The following DMRT1 variants were observed in gnomAD, a reference collection of about 807,000 sequenced individuals.
The protein encoded by DMRT1 is doublesex and mab-3 related transcription factor 1, also known as doublesex- and mab-3-related transcription factor 1.
Under a neutral mutation model 32.3 loss-of-function variants are expected in DMRT1, and 7 were observed. That is an observed-to-expected ratio of 0.22 (90% CI 0.12 to 0.41). The LOEUF (loss-of-function observed/expected upper bound fraction) is 0.41. Among genes scored for constraint, DMRT1 ranks in the 10% least tolerant of loss-of-function variants. The pLI, the probability that DMRT1 is intolerant of heterozygous loss-of-function variation, is 1.00. For synonymous variants in DMRT1, 278 were observed against 206.1 expected, an observed-to-expected ratio of 1.35 and a Z score of -2.99; for missense variants, 625 against 500.5, an observed-to-expected ratio of 1.25 and a Z score of -2.37.
chr9:927,381 C>T (rs1818562346), intron 4 of DMRT1, among the ~76,000 whole-genome samples: 1 of 152,218 alleles, frequency 6.6e-6, no homozygotes, highest in Admixed American at 6.5e-5. Flanking sequence ...GTGTGAAATA[C>T]ACCTCGCTGC....
chr9:897,817 G>T (rs1817430713), intron 3 of DMRT1, among the ~76,000 whole-genome samples: 1 of 152,042 alleles, frequency 6.6e-6, no homozygotes. Flanking sequence ...GCAAGATAGG[G>T]TATAAAAATA....
intron 3 of DMRT1, among the ~76,000 whole-genome samples, chr9:896,681 C>CGCCA (rs1564232810): frequency 6.6e-6 from 1 of 151,882 alleles, no homozygotes; most frequent in Non-Finnish European, 1.5e-5. Context: ...GGCATGGTGG[C>CGCCA]GCACGCCTGT....
At chr9:865,055 C>T (rs1307237297) in intron 2 of DMRT1, among the ~76,000 whole-genome samples, 2 of 152,128 alleles carry the variant, frequency 1.3e-5, no homozygotes, top group Admixed American at 6.6e-5. Context: ...TTAGAATGCA[C>T]GTTACCTTCA....
chr9:910,973 A>G (rs1262102854), intron 3 of DMRT1, among the ~76,000 whole-genome samples: 1 of 152,182 alleles, frequency 6.6e-6, no homozygotes, highest in African/African-American at 2.4e-5. Flanking sequence ...ATATCCCTTT[A>G]GGAAAACTGA....
Position 864,722 on chromosome 9 carries a change from C to A in DMRT1, c.538+17579C>A, listed in dbSNP as rs7040040. 4.6e-3 allele frequency among the ~76,000 whole-genome samples: 687 copies of A among 150,772 alleles called. 6 individuals carry two copies. Among genetic ancestry groups the A allele is most frequent in the African/African-American group, 0.015 (603 of 40,908 alleles). On this transcript the variant is annotated intron_variant, in intron 2 of 4. Coordinates refer to ENST00000382276, the MANE Select transcript of DMRT1 (RefSeq NM_021951.3). ...TCACCATGTTAGCCAGGATGGTCTC[C>A]ATCTCCTAACCTTGCGATCCGCCCA...
intron 1 of DMRT1, 22 bp downstream of exon 1, chr9:842,214 C>T: frequency 4.6e-6 from 7 of 1,520,236 alleles, no homozygotes; most frequent in Non-Finnish European, 6.1e-6. Context: ...CGTGCGGGAG[C>T]CCGGGTTCAG....
chr9:897,041 C>G (rs1010668281), intron 3 of DMRT1, among the ~76,000 whole-genome samples: 1 of 151,554 alleles, frequency 6.6e-6, no homozygotes, highest in African/African-American at 2.4e-5. Flanking sequence ...TTTTAATCCC[C>G]TGAGCTACAA....
intron 2 of DMRT1, among the ~76,000 whole-genome samples, chr9:865,675 C>T (rs148207063): frequency 1.3e-5 from 2 of 152,248 alleles, no homozygotes; most frequent in Non-Finnish European, 1.5e-5. Flanking sequence ...GTGAGGATTA[C>T]ATAACCCATC....
chr9:911,470 ATTTTTTTTTTTTTTTTTTTT>A (rs201141931), intron 3 of DMRT1, among the ~76,000 whole-genome samples: 69 of 67,000 alleles, frequency 1.0e-3, no homozygotes, highest in South Asian at 2.7e-3. Flanking sequence ...GGTTAATTGC[ATTTTTTTTTTTTTTTTTTTT>A]TTTTTTTTTT....
intron 2 of DMRT1, among the ~76,000 whole-genome samples, chr9:875,017 A>T (rs554978748): frequency 8.8e-4 from 134 of 151,604 alleles, no homozygotes; most frequent in Non-Finnish European, 1.5e-3. Context: ...TCACTATGTT[A>T]GCCAGGATGG....
At chr9:917,397 A>G (rs1320155790) in intron 4 of DMRT1, among the ~76,000 whole-genome samples, 3 of 152,248 alleles carry the variant, frequency 2.0e-5, no homozygotes, top group African/African-American at 7.2e-5. Flanking sequence ...TAACTCTGAT[A>G]TAATGGCTTT....
rs749186760 is a variant in DMRT1 at position 847,148 on chromosome 9, T to A, written c.538+5T>A. On this transcript the variant is annotated splice_donor_5th_base_variant and intron_variant, in intron 2 of 4. Coordinates refer to ENST00000382276, the MANE Select transcript of DMRT1 (RefSeq NM_021951.3). Reference sequence around the variant, plus strand: ...TCCCCACCACTGCAGCTTCAGGTAATCTGGAGGGGCTGGGGTTCACATGGA... The same window carrying A: ...TCCCCACCACTGCAGCTTCAGGTAAACTGGAGGGGCTGGGGTTCACATGGA... 1.1e-5 allele frequency: 17 copies of A among 1,612,020 alleles called. No individual in the cohort carries two copies. The highest frequency in any genetic ancestry group is 1.4e-5 in the Non-Finnish European group (16 of 1,179,592).
At chr9:958,773 A>C (rs934083382) in intron 4 of DMRT1, among the ~76,000 whole-genome samples, 3 of 152,246 alleles carry the variant, frequency 2.0e-5, no homozygotes, top group Non-Finnish European at 4.4e-5. Flanking sequence ...AGATTATATA[A>C]ATCTAAAGTG....
intron 3 of DMRT1, among the ~76,000 whole-genome samples, chr9:904,841 C>T (rs1817709923): frequency 6.6e-6 from 1 of 151,422 alleles, no homozygotes; most frequent in Admixed American, 6.6e-5. Context: ...CTACTCGAGG[C>T]TGAGGCAGGA....
intron 4 of DMRT1, among the ~76,000 whole-genome samples, chr9:917,607 G>T (rs1423018921): frequency 6.6e-6 from 1 of 152,146 alleles, no homozygotes; most frequent in Non-Finnish European, 1.5e-5. Flanking sequence ...TACACAATAG[G>T]CAGTAAGTGG....
At chr9:847,759 C>G (rs560721770) in intron 2 of DMRT1, among the ~76,000 whole-genome samples, 2 of 152,342 alleles carry the variant, frequency 1.3e-5, no homozygotes, top group East Asian at 1.9e-4. Flanking sequence ...GTGCTTACTG[C>G]ACTAGGTCTC....
intron 4 of DMRT1, among the ~76,000 whole-genome samples, chr9:923,331 G>A (rs918312251): frequency 6.6e-6 from 1 of 152,154 alleles, no homozygotes; most frequent in Non-Finnish European, 1.5e-5. Flanking sequence ...GCGGCCATGT[G>A]GGGTGGTAGA....
intron 2 of DMRT1, among the ~76,000 whole-genome samples, chr9:884,771 A>C (rs896330689): frequency 7.2e-5 from 11 of 152,128 alleles, no homozygotes; most frequent in African/African-American, 2.7e-4. Flanking sequence ...GGAGTTCGAG[A>C]CCAGCCTGGC....
At chr9:897,010 T>C (rs1336906825) in intron 3 of DMRT1, among the ~76,000 whole-genome samples, 1 of 152,062 alleles carries the variant, frequency 6.6e-6, no homozygotes, top group Non-Finnish European at 1.5e-5. Context: ...ATCTGACTTC[T>C]TGGGCATATT....
Sources: allele counts gnomAD v4.1 joint callset (sites outside exome capture counted in the v4.1 genomes callset), GRCh38; gene constraint gnomAD v4.1.1; transcripts MANE v1.5; gene names NCBI Gene and HGNC (gene_info 2026-07-23, HGNC 2026-07-21).